The following AUTS2 variants were observed in gnomAD, a reference collection of about 807,000 sequenced individuals.
The protein encoded by AUTS2 is activator of transcription and developmental regulator AUTS2, also known as autism susceptibility gene 2 protein.
A neutral mutation model predicts 112.4 loss-of-function variants in AUTS2; 17 were observed. That is an observed-to-expected ratio of 0.15 (90% CI 0.10 to 0.23). The LOEUF (loss-of-function observed/expected upper bound fraction) is 0.23. Ranked by LOEUF, AUTS2 falls within the 10% of genes least tolerant of loss-of-function variation. The pLI is 1.00. For synonymous variants in AUTS2, 751 were observed against 702.7 expected (o/e 1.07, Z -1.09); for missense variants, 1,510 against 1,701.6 (o/e 0.89, Z 1.98).
chr7:69,721,269 G>A (rs187965670), intron 1 of AUTS2, among the ~76,000 whole-genome samples: 76 of 152,266 alleles, frequency 5.0e-4, no homozygotes, highest in Middle Eastern at 6.8e-3. Flanking sequence ...ACTTTTCACT[G>A]TGCCTAGAAT....
chr7:69,736,123 G>T (rs1386033500), intron 1 of AUTS2, among the ~76,000 whole-genome samples: 2 of 152,158 alleles, frequency 1.3e-5, no homozygotes, highest in Non-Finnish European at 2.9e-5. Flanking sequence ...TGTTTAAAGT[G>T]GTACTTTGTG....
At chr7:70,619,059 G>T (rs1358134231) in intron 5 of AUTS2, among the ~76,000 whole-genome samples, 3 of 152,126 alleles carry the variant, frequency 2.0e-5, no homozygotes. Flanking sequence ...AAGCATGGCT[G>T]AATTTTTTAT....
At chr7:70,620,053 C>T (rs945344461) in intron 5 of AUTS2, among the ~76,000 whole-genome samples, 1 of 152,168 alleles carries the variant, frequency 6.6e-6, no homozygotes, top group African/African-American at 2.4e-5. Flanking sequence ...TGCAGATTCC[C>T]ACCGAGCCCA....
intron 2 of AUTS2, among the ~76,000 whole-genome samples, chr7:69,918,284 A>G (rs139703867): frequency 1.1e-3 from 168 of 152,346 alleles, no homozygotes; most frequent in African/African-American, 3.8e-3. Flanking sequence ...AACGTAAAAA[A>G]GATCAATTTC....
chr7:69,860,529 A>G (rs1792929522), intron 1 of AUTS2, among the ~76,000 whole-genome samples: 2 of 151,932 alleles, frequency 1.3e-5, no homozygotes, highest in South Asian at 2.1e-4. Flanking sequence ...CGGAATCACA[A>G]TTTACCAGGG....
intron 6 of AUTS2, among the ~76,000 whole-genome samples, chr7:70,717,790 T>TA (rs1049175804): frequency 1.3e-5 from 2 of 152,210 alleles, no homozygotes; most frequent in African/African-American, 4.8e-5. Flanking sequence ...TGGCAGAGTA[T>TA]CACTGTTAAG....
At chr7:70,014,130 G>A (rs1799925118) in intron 2 of AUTS2, among the ~76,000 whole-genome samples, 1 of 152,144 alleles carries the variant, frequency 6.6e-6, no homozygotes, top group Non-Finnish European at 1.5e-5. Flanking sequence ...CCATAAGAAA[G>A]TAACTATAAA....
intron 4 of AUTS2, among the ~76,000 whole-genome samples, chr7:70,322,101 A>T (rs1167549130): frequency 6.6e-6 from 1 of 152,208 alleles, no homozygotes; most frequent in African/African-American, 2.4e-5. Context: ...TTGGCTTTAC[A>T]GGAAGACTTG....
chr7:70,703,904 GTACTTGA>G (rs1809597439), intron 6 of AUTS2, among the ~76,000 whole-genome samples: 1 of 152,094 alleles, frequency 6.6e-6, no homozygotes, highest in Admixed American at 6.6e-5. Flanking sequence ...AGGGTAATTG[GTACTTGA>G]TGCAAGAGAC....
intron 5 of AUTS2, among the ~76,000 whole-genome samples, chr7:70,665,418 C>A (rs1807281918): frequency 6.7e-6 from 1 of 149,846 alleles, no homozygotes; most frequent in Non-Finnish European, 1.5e-5. Flanking sequence ...CACACATCAC[C>A]ATGACCAGCT....
chr7:69,958,899 C>T (rs1042024343), intron 2 of AUTS2, among the ~76,000 whole-genome samples: 3 of 152,116 alleles, frequency 2.0e-5, no homozygotes, highest in African/African-American at 4.8e-5. Context: ...CAGAGTATTC[C>T]TTGAGGAATG....
Position 70,282,168 on chromosome 7 carries a change from A to T in AUTS2, c.660+147597A>T, listed in dbSNP as rs944083642. ...CTTGTTTCAGAACATGTTTCCTATT[A>T]AAAAAAGATGACTGTAAAATCGTAG... On this transcript the variant is annotated intron_variant, in intron 4 of 18. Transcript: ENST00000342771. 5.3e-5 allele frequency among the ~76,000 whole-genome samples: 8 copies of T among 152,194 alleles called. No homozygotes were observed. In the East Asian group the frequency reaches 5.8e-4, roughly 11 times the overall value.
chr7:69,712,352 C>T (rs924684833), intron 1 of AUTS2, among the ~76,000 whole-genome samples: 4 of 152,166 alleles, frequency 2.6e-5, no homozygotes, highest in South Asian at 2.1e-4. Context: ...AGTTTCTTCA[C>T]GCTCCTTTGG....
intron 6 of AUTS2, among the ~76,000 whole-genome samples, chr7:70,731,932 C>T (rs936592437): frequency 6.6e-6 from 1 of 152,052 alleles, no homozygotes; most frequent in Non-Finnish European, 1.5e-5. Flanking sequence ...TCTTTCATAA[C>T]CACAGTACAG....
At chr7:70,205,815 G>A (rs1810545439) in intron 4 of AUTS2, among the ~76,000 whole-genome samples, 1 of 152,210 alleles carries the variant, frequency 6.6e-6, no homozygotes, top group African/African-American at 2.4e-5. Context: ...CCTTTGACCA[G>A]TGCTCTTGAT....
At chr7:70,191,809 C>G (rs1009387329) in intron 4 of AUTS2, among the ~76,000 whole-genome samples, 3 of 151,862 alleles carry the variant, frequency 2.0e-5, no homozygotes, top group Admixed American at 2.0e-4. Context: ...AACTGTAATC[C>G]TAGCACTTTG....
At chr7:70,542,174 TA>T (rs926989302) in intron 5 of AUTS2, among the ~76,000 whole-genome samples, 6 of 148,842 alleles carry the variant, frequency 4.0e-5, no homozygotes, top group East Asian at 2.0e-4. Flanking sequence ...TTTACCAATC[TA>T]AAAAAAAAAG....
chr7:70,381,699 A>G lies in AUTS2; in HGVS notation c.661-54053A>G, dbSNP rs184689539. Among the ~76,000 whole-genome samples, 261 of 152,262 alleles carry G rather than the reference A, an allele frequency of 1.7e-3. 2 individuals carry two copies. Among genetic ancestry groups the G allele is most frequent in the African/African-American group, 6.1e-3 (255 of 41,552 alleles). ...AAATTTTAGAAAATTTTCCAAAGAAAATCAGAGTCAGAATTTGACTAGATG... is the reference window on the plus strand; with the variant it reads ...AAATTTTAGAAAATTTTCCAAAGAAGATCAGAGTCAGAATTTGACTAGATG... On this transcript the variant is annotated intron_variant, in intron 4 of 18. Transcript: ENST00000342771.
intron 5 of AUTS2, among the ~76,000 whole-genome samples, chr7:70,527,302 A>G (rs531249296): frequency 1.3e-5 from 2 of 152,340 alleles, no homozygotes; most frequent in South Asian, 4.1e-4. Context: ...CTCCAGCAAC[A>G]TTTGGTTAAA....
Sources: allele counts gnomAD v4.1 joint callset (sites outside exome capture counted in the v4.1 genomes callset), GRCh38; gene constraint gnomAD v4.1.1; transcripts MANE v1.5; gene names NCBI Gene and HGNC (gene_info 2026-07-23, HGNC 2026-07-21).